Variants in ASIC2 observed in about 807,000 individuals in gnomAD.
ASIC2 encodes acid-sensing ion channel 2.
Under a neutral mutation model 57.3 loss-of-function variants are expected in ASIC2, and 25 were observed. The observed-to-expected ratio is 0.44, with a 90% confidence interval of 0.32 to 0.61. ASIC2 has a LOEUF of 0.61. ASIC2 is among the 20% of genes least tolerant of loss of function. The probability of loss-of-function intolerance (pLI) is 0.06; values close to 1 mark genes in which losing one functional copy is unlikely to be tolerated. For synonymous variants in ASIC2, 319 were observed against 307.5 expected, an observed-to-expected ratio of 1.04 and a Z score of -0.39; for missense variants, 641 against 738.1, an observed-to-expected ratio of 0.87 and a Z score of 1.52.
At chr17:34,132,117 G>T (rs1413198663) in intron 1 of ASIC2, among the ~76,000 whole-genome samples, 1 of 152,160 alleles carries the variant, frequency 6.6e-6, no homozygotes, top group Non-Finnish European at 1.5e-5. Context: ...AACCTCAGCT[G>T]GGATCTCAAC....
chr17:33,153,928 T>A (rs62069669), intron 1 of ASIC2, among the ~76,000 whole-genome samples: 6,319 of 152,214 alleles, frequency 0.042, 186 homozygotes, highest in East Asian at 0.085. Flanking sequence ...TTTGGCAAGG[T>A]TTCCTGTTGG....
chr17:34,056,599 A>G (rs1238144891), intron 1 of ASIC2, among the ~76,000 whole-genome samples: 2 of 152,208 alleles, frequency 1.3e-5, no homozygotes, highest in Non-Finnish European at 2.9e-5. Context: ...CAACCAAATC[A>G]ACCTAAAAAG....
At chr17:33,226,550 T>TG (rs1204919986) in intron 1 of ASIC2, among the ~76,000 whole-genome samples, 2 of 152,202 alleles carry the variant, frequency 1.3e-5, no homozygotes, top group Non-Finnish European at 2.9e-5. Flanking sequence ...CTCCTCTTCT[T>TG]GACCCCCCAG....
intron 1 of ASIC2, among the ~76,000 whole-genome samples, chr17:33,211,177 G>T (rs1387023480): frequency 6.6e-6 from 1 of 152,138 alleles, no homozygotes; most frequent in Non-Finnish European, 1.5e-5. Context: ...AGAAGTGTGT[G>T]GCCCTTCCAC....
chr17:33,413,097 G>C (rs78893578), intron 1 of ASIC2, among the ~76,000 whole-genome samples: 16,170 of 152,126 alleles, frequency 0.11, 940 homozygotes, highest in Middle Eastern at 0.14. Context: ...GGGCATAGGG[G>C]GTGCCATTGA....
chr17:33,755,837 G>A (rs1007313973), intron 1 of ASIC2, among the ~76,000 whole-genome samples: 1 of 152,230 alleles, frequency 6.6e-6, no homozygotes, highest in African/African-American at 2.4e-5. Context: ...TATTTACAGA[G>A]GAGATGTTGC....
chr17:33,081,752 C>CT lies in ASIC2; in HGVS notation c.987+7110dup, dbSNP rs532922264. 2.5e-3 allele frequency among the ~76,000 whole-genome samples: 380 copies of CT among 152,224 alleles called. 2 individuals are homozygous for CT. The highest frequency in any genetic ancestry group is 6.0e-3 in the South Asian group (29 of 4,820). ...TGGGCATCCCACCAAGCTGCTGGGC[C>CT]TTTTTATTTAGGGGTGGGGTGAGGG... On this transcript the variant is annotated intron_variant, in intron 3 of 9. Coordinates refer to ENST00000225823, the MANE Select transcript of ASIC2 (RefSeq NM_183377.2).
chr17:33,174,292 G>A (rs552782431), intron 1 of ASIC2, among the ~76,000 whole-genome samples: 10 of 151,980 alleles, frequency 6.6e-5, no homozygotes, highest in East Asian at 5.8e-4. Context: ...GTGGTGGTGC[G>A]TGCCTGTAAT....
intron 1 of ASIC2, among the ~76,000 whole-genome samples, chr17:33,549,596 C>G (rs1460170773): frequency 6.6e-6 from 1 of 152,186 alleles, no homozygotes; most frequent in East Asian, 1.9e-4. Flanking sequence ...TTGTGGCTGA[C>G]AGATGCTGCC....
chr17:33,799,378 CT>C (rs1567718846), intron 1 of ASIC2, among the ~76,000 whole-genome samples: 13 of 19,108 alleles, frequency 6.8e-4, no homozygotes, highest in African/African-American at 1.4e-3. Flanking sequence ...TTCTTTCTTC[CT>C]TTCTTTCTTT....
chr17:33,894,350 C>CGTGTGT (rs201934419), intron 1 of ASIC2, among the ~76,000 whole-genome samples: 7 of 138,526 alleles, frequency 5.1e-5, no homozygotes, highest in Non-Finnish European at 7.9e-5. Context: ...TGCGTGCGTG[C>CGTGTGT]GTGTGTGTGT....
At position 33,165,478 on chromosome 17, in the gene ASIC2, CGT is replaced by C. The variant is rs150670889; in HGVS notation, c.709-53413_709-53412del. On this transcript the variant is annotated intron_variant, in intron 1 of 9. Coordinates refer to ENST00000225823, the MANE Select transcript of ASIC2 (RefSeq NM_183377.2). ...GGGTGTGTGTGTGTGTGCGTGCATGCGTGTGTGTGTGTGTATGCATATATTTG... is the reference window on the plus strand; with the variant it reads ...GGGTGTGTGTGTGTGTGCGTGCATGCGTGTGTGTGTGTATGCATATATTTG... 2.8e-3 allele frequency among the ~76,000 whole-genome samples: 421 copies of C among 150,864 alleles called. 4 individuals are homozygous for C. Among genetic ancestry groups the C allele is most frequent in the African/African-American group, 9.7e-3 (397 of 41,132 alleles).
chr17:33,056,117 G>A (rs1051819289), intron 3 of ASIC2, among the ~76,000 whole-genome samples: 5 of 152,172 alleles, frequency 3.3e-5, no homozygotes, highest in African/African-American at 1.2e-4. Context: ...AAGGCCAAGT[G>A]ATTTGCCTCT....
chr17:33,976,814 A>G (rs553979075), intron 1 of ASIC2: 10 of 151,328 alleles, frequency 6.6e-5, no homozygotes, highest in Non-Finnish European at 1.5e-4. Flanking sequence ...ACATCAAATC[A>G]TGAGATTAGG....
chr17:33,999,668 T>C (rs1026764636), intron 1 of ASIC2, among the ~76,000 whole-genome samples: 4 of 152,304 alleles, frequency 2.6e-5, no homozygotes, highest in East Asian at 1.9e-4. Context: ...TTTTCTCACA[T>C]TTTATGTTAT....
At chr17:33,852,071 C>A (rs941688622) in intron 1 of ASIC2, among the ~76,000 whole-genome samples, 1 of 152,206 alleles carries the variant, frequency 6.6e-6, no homozygotes, top group East Asian at 1.9e-4. Flanking sequence ...ACTGAATAAT[C>A]TTAGCTTGTC....
At chr17:34,003,998 C>T (rs541592304) in intron 1 of ASIC2, 5 of 152,300 alleles carry the variant, frequency 3.3e-5, no homozygotes, top group African/African-American at 4.8e-5. Flanking sequence ...AACTTGAGGT[C>T]GACTACAGAA....
chr17:33,266,911 A>C (rs1422168259), intron 1 of ASIC2, among the ~76,000 whole-genome samples: 3 of 152,148 alleles, frequency 2.0e-5, no homozygotes, highest in Non-Finnish European at 4.4e-5. Context: ...GGTGCTTGAC[A>C]AGGGAAACTG....
chr17:33,417,329 GAT>G (rs1306698981), intron 1 of ASIC2, among the ~76,000 whole-genome samples: 1 of 152,150 alleles, frequency 6.6e-6, no homozygotes, highest in Admixed American at 6.5e-5. Flanking sequence ...TGCTTCCAGT[GAT>G]GGCAAAATCA....
Sources: allele counts gnomAD v4.1 joint callset (sites outside exome capture counted in the v4.1 genomes callset), GRCh38; gene constraint gnomAD v4.1.1; transcripts MANE v1.5; gene names NCBI Gene and HGNC (gene_info 2026-07-23, HGNC 2026-07-21).